ITSN1: variants seen among roughly 807,000 people sequenced by gnomAD.
ITSN1 encodes the protein intersectin-1.
Under a neutral mutation model 239.8 loss-of-function variants are expected in ITSN1, and 58 were observed. That is an observed-to-expected ratio of 0.24 (90% confidence interval 0.20 to 0.30). ITSN1 has a LOEUF of 0.30. ITSN1 is among the 10% of genes least tolerant of loss of function. The probability of loss-of-function intolerance (pLI) is 1.00; values close to 1 mark genes in which losing one functional copy is unlikely to be tolerated. For missense variants in ITSN1, 1,558 were observed against 2,103.3 expected, an observed-to-expected ratio of 0.74 and a Z score of 5.07; for synonymous variants, 780 against 770.8, an observed-to-expected ratio of 1.01 and a Z score of -0.20.
intron 8 of ITSN1, among the ~76,000 whole-genome samples, chr21:33,755,816 A>T (rs957323247): frequency 7.1e-6 from 1 of 141,222 alleles, no homozygotes; most frequent in Non-Finnish European, 1.5e-5. Flanking sequence ...TCTGTCTCAG[A>T]TAACTGCCTA....
intron 2 of ITSN1, among the ~76,000 whole-genome samples, chr21:33,720,004 A>G (rs2065387603): frequency 6.6e-6 from 1 of 152,250 alleles, no homozygotes; most frequent in Non-Finnish European, 1.5e-5. Flanking sequence ...TCTGGTACAG[A>G]GATCTGTAAA....
intron 1 of ITSN1, among the ~76,000 whole-genome samples, chr21:33,668,718 T>C (rs898736070): frequency 1.3e-5 from 2 of 152,166 alleles, no homozygotes; most frequent in African/African-American, 2.4e-5. Flanking sequence ...TGTGGCCATA[T>C]CTGTAACTGT....
chr21:33,788,480 T>C (rs1019383307), intron 16 of ITSN1, among the ~76,000 whole-genome samples: 1 of 152,210 alleles, frequency 6.6e-6, no homozygotes, highest in Admixed American at 6.5e-5. Context: ...CCTATAATCC[T>C]AACACTTTGG....
chr21:33,766,055 A>G (rs1335395809), intron 10 of ITSN1, 43 bp downstream of exon 10: 15 of 1,605,476 alleles, frequency 9.3e-6, no homozygotes, highest in Admixed American at 1.7e-5. Context: ...TGCGGAGTAT[A>G]TGAATTCCAA....
In ITSN1 at chr21:33,886,271, C is replaced by T. The variant is rs1232264342; in HGVS notation, c.4844-16C>T. 1.2e-5 allele frequency: 19 copies of T among 1,606,124 alleles called. No homozygotes were observed. Among genetic ancestry groups the T allele is most frequent in the Non-Finnish European group, 1.6e-5 (19 of 1,176,218 alleles). ...AGGTGTGAGTTCCACCTGGCGAAGG[C>T]TTTTGTTCCCTCCAGGAAAGAGCAA... On this transcript the variant is annotated splice_polypyrimidine_tract_variant and intron_variant, in intron 38 of 39. Coordinates refer to ENST00000381318, the MANE Select transcript of ITSN1 (RefSeq NM_003024.3).
At chr21:33,703,051 A>G (rs1016414042) in intron 1 of ITSN1, among the ~76,000 whole-genome samples, 1 of 150,182 alleles carries the variant, frequency 6.7e-6, no homozygotes. Context: ...GCACCACTGC[A>G]CTCCAGCCTG....
chr21:33,679,896 C>T (rs540910549), intron 1 of ITSN1, among the ~76,000 whole-genome samples: 1 of 152,152 alleles, frequency 6.6e-6, no homozygotes, highest in East Asian at 1.9e-4. Context: ...GACGAGGTTT[C>T]ACCGTGTTAG....
At chr21:33,749,382 C>G (rs1297810489) in intron 5 of ITSN1, among the ~76,000 whole-genome samples, 1 of 152,042 alleles carries the variant, frequency 6.6e-6, no homozygotes, top group Non-Finnish European at 1.5e-5. Context: ...GTGGCTCATG[C>G]CTGTAATCCC....
intron 30 of ITSN1, among the ~76,000 whole-genome samples, chr21:33,857,444 G>A (rs572645137): frequency 5.3e-5 from 8 of 152,336 alleles, no homozygotes; most frequent in South Asian, 2.1e-4. Context: ...TGCGGAGCCC[G>A]GCGCTCCTGC....
chr21:33,712,862 T>C (rs2092454119), intron 1 of ITSN1, among the ~76,000 whole-genome samples: 1 of 152,226 alleles, frequency 6.6e-6, no homozygotes, highest in African/African-American at 2.4e-5. Flanking sequence ...AGCAGAACTC[T>C]GGTTTGTGAC....
chr21:33,753,864 T>G (rs1020276818), intron 7 of ITSN1, among the ~76,000 whole-genome samples: 9 of 152,186 alleles, frequency 5.9e-5, no homozygotes, highest in South Asian at 2.1e-4. Context: ...CTTTATTGAT[T>G]TGTGACATTA....
At chr21:33,842,126 A>G (rs2074844627) in intron 29 of ITSN1, among the ~76,000 whole-genome samples, 1 of 151,826 alleles carries the variant, frequency 6.6e-6, no homozygotes, top group Admixed American at 6.6e-5. Flanking sequence ...CGATCTCCTG[A>G]CCTTGTGATC....
chr21:33,876,913 A>C (rs568282094), intron 34 of ITSN1, among the ~76,000 whole-genome samples: 1 of 152,196 alleles, frequency 6.6e-6, no homozygotes, highest in African/African-American at 2.4e-5. Flanking sequence ...ATATAGATAT[A>C]GATATAGAAC....
rs2071638217 is a variant in ITSN1 at position 33,797,324 on chromosome 21, A to C, written c.1953-55A>C. 2 of 1,465,178 alleles carry C rather than the reference A, an allele frequency of 1.4e-6. No homozygotes were observed. Among genetic ancestry groups the C allele is most frequent in the African/African-American group, 1.4e-5 (1 of 71,692 alleles). The allele number at this position is 1,465,178 out of a possible 1,614,324, so 90.8% of individuals were successfully genotyped here. On this transcript the variant is annotated intron_variant, in intron 17 of 39. Transcript: ENST00000381318. This position sits in a 1 kb window ranked among gnomAD's most constrained non-coding sequence, Gnocchi z 4.9. The stretch of plus-strand genomic sequence containing the variant: ...AGCTTTTTTTGTGAAAAGAGGCAAC[A>C]GTAGTGTTAACTTAGAGTTGCTTTC...
chr21:33,774,021 A>C (rs749684791), intron 12 of ITSN1, among the ~76,000 whole-genome samples: 1 of 152,306 alleles, frequency 6.6e-6, no homozygotes, highest in South Asian at 2.1e-4. Flanking sequence ...ACAAAATTTT[A>C]ATTTTCAGAA....
chr21:33,761,866 C>A, intron 8 of ITSN1, 57 bp from the exon 9 acceptor site: 1 of 1,263,946 alleles, frequency 7.9e-7, no homozygotes, highest in Non-Finnish European at 1.2e-6. Flanking sequence ...CCTGGTCCTC[C>A]TGTACAGTGA....
rs879942325 is a variant in ITSN1 at position 33,661,437 on chromosome 21, CT to C, written c.-33+18736del. Among the ~76,000 whole-genome samples the C allele has an allele frequency of 1.3e-3, 186 of 144,746 alleles. 1 individual carries two copies. Among genetic ancestry groups the C allele is most frequent in the East Asian group, 0.012 (59 of 4,972 alleles). The allele number at this position is 144,746 out of a possible 152,430, so 95.0% of individuals were successfully genotyped here. ...CAAAGACATCCTGTTGTAAAACTGA[CT>C]TTTTTTTTTTTATGTGAGTGTTTGG... On this transcript the variant is annotated intron_variant, in intron 1 of 39. Transcript: ENST00000381318.
chr21:33,708,481 A>G (rs1344427583), intron 1 of ITSN1, among the ~76,000 whole-genome samples: 1 of 151,824 alleles, frequency 6.6e-6, no homozygotes, highest in Non-Finnish European at 1.5e-5. Context: ...TTCGCCTCCC[A>G]GGTTCAGGCC....
intron 12 of ITSN1, among the ~76,000 whole-genome samples, chr21:33,773,435 A>G (rs2069335850): frequency 6.6e-6 from 1 of 152,158 alleles, no homozygotes; most frequent in Non-Finnish European, 1.5e-5. Context: ...TCTCTTTCCA[A>G]TTTTAGTACA....
Sources: gnomAD v4.1 joint callset for allele counts (sites outside exome capture counted in the v4.1 genomes callset) on GRCh38, gnomAD v4.1.1 for gene constraint, Gnocchi (gnomAD v3.1) non-coding constraint, MANE v1.5 for transcripts, NCBI Gene and HGNC (gene_info 2026-07-23, HGNC 2026-07-21) for gene names.